Variants in ZSCAN31 observed in about 807,000 individuals in gnomAD.
ZSCAN31 encodes the protein zinc finger and SCAN domain-containing protein 31.
A neutral mutation model predicts 22.5 loss-of-function variants in ZSCAN31; 14 were observed. That is an observed-to-expected ratio of 0.62 (90% confidence interval 0.41 to 0.97). The LOEUF is 0.97. Among genes scored for constraint, ZSCAN31 ranks in the 50% least tolerant of loss-of-function variants. ZSCAN31 has a pLI of 0.00. For synonymous variants in ZSCAN31, 168 were observed against 169.8 expected (o/e 0.99, Z 0.08); for missense variants, 424 against 483.4 (o/e 0.88, Z 1.15).
At chr6:28,350,491 G>C (rs1298937730) in intron 2 of ZSCAN31, 1 of 152,222 alleles carries the variant, frequency 6.6e-6, no homozygotes. Context: ...CTTACTGGCT[G>C]TGTGACTTTT....
rs116341415 is a variant in ZSCAN31 at position 28,327,374 on chromosome 6, A to T, written c.532+9T>A. ...GAGATCTCCTGAAGGGACCTGTCAA[A>T]ATCCTTACCTTGTTCTTGAAATTGG... On this transcript the variant is annotated intron_variant, in intron 3 of 3. Transcript: ENST00000344279. 1.8e-3 allele frequency: 2,926 copies of T among 1,613,942 alleles called. 35 individuals carry two copies. The African/African-American group carries it at 0.026, about 14-fold the overall frequency.
At chr6:28,348,415 A>G (rs957619144) in intron 2 of ZSCAN31, among the ~76,000 whole-genome samples, 7 of 152,190 alleles carry the variant, frequency 4.6e-5, no homozygotes, top group African/African-American at 1.7e-4. Flanking sequence ...TTTTTGTGCA[A>G]CATATAAAGT....
At chr6:28,330,980 C>T (rs926936439) in intron 1 of ZSCAN31, among the ~76,000 whole-genome samples, 5 of 152,078 alleles carry the variant, frequency 3.3e-5, no homozygotes, top group African/African-American at 1.2e-4. Flanking sequence ...TAAGAGCACA[C>T]ACAATGGCGA....
intron 2 of ZSCAN31, among the ~76,000 whole-genome samples, chr6:28,345,153 AAAAAAAAG>A (rs1327153262): frequency 1.3e-5 from 2 of 149,858 alleles, no homozygotes; most frequent in African/African-American, 5.0e-5. Flanking sequence ...TCAAAAAAAA[AAAAAAAAG>A]AAAAAGAAAA....
At chr6:28,354,427 T>C (rs1298173542), upstream of ZSCAN31, among the ~76,000 whole-genome samples, 2 of 152,302 alleles carry the variant, frequency 1.3e-5, no homozygotes, top group East Asian at 3.9e-4. Context: ...AGACATAGGT[T>C]TTTGGGTACA....
chr6:28,334,555 G>A (rs1210013040), intron 1 of ZSCAN31, among the ~76,000 whole-genome samples: 1 of 152,162 alleles, frequency 6.6e-6, no homozygotes, highest in East Asian at 1.9e-4. Context: ...TACCAATTAC[G>A]ATGACAAGAA....
At chr6:28,354,567 G>C (rs1297336457), upstream of ZSCAN31, among the ~76,000 whole-genome samples, 1 of 152,150 alleles carries the variant, frequency 6.6e-6, no homozygotes, top group Non-Finnish European at 1.5e-5. Flanking sequence ...TGTATACATA[G>C]AGGCTTGACA....
At chr6:28,341,755 A>C (rs1298867480) in exon 3 of ZSCAN31, 3 of 152,166 alleles carry the variant, frequency 2.0e-5, no homozygotes, top group African/African-American at 7.2e-5. Context: ...CCTCATTTGG[A>C]GAGCTGATGG....
At position 28,333,420 on chromosome 6, in the gene ZSCAN31, C is replaced by G. The variant is rs1763912926; in HGVS notation, c.-96+2662G>C. ...CCAGGCCCTGTTTTGCTGGAGCAAA[C>G]ATTTTAACGGGGAAGACAAACCAAA... On this transcript the variant is annotated intron_variant, in intron 1 of 3. Transcript: ENST00000344279. The surrounding 1 kb of genome is among the most constrained non-coding windows in gnomAD (Gnocchi z 4.1). 6.6e-6 allele frequency among the ~76,000 whole-genome samples: 1 copy of G among 152,114 alleles called. No individual in the cohort carries two copies. Among genetic ancestry groups the G allele is most frequent in the Admixed American group, 6.5e-5 (1 of 15,274 alleles).
rs1764771261 is a variant in ZSCAN31 at position 28,348,944 on chromosome 6, ATG to A, written c.-371+4916_-371+4917del. ...ATGTCTTATACATAGGTGTATATAC[ATG>A]TCTCATATACATAGGTGTATATACA... On this transcript the variant is annotated intron_variant, in intron 2 of 7. Coordinates refer to the ZSCAN31 transcript ENST00000396838. 9.3e-5 allele frequency among the ~76,000 whole-genome samples: 14 copies of A among 151,166 alleles called. No individual in the cohort carries two copies. The South Asian group carries it at 2.9e-3, about 32-fold the overall frequency.
intron 2 of ZSCAN31, among the ~76,000 whole-genome samples, chr6:28,328,460 C>T (rs967325067): frequency 1.1e-4 from 16 of 152,216 alleles, no homozygotes; most frequent in African/African-American, 3.6e-4. Flanking sequence ...TGATATTTCT[C>T]CTATTTGCTT....
At chr6:28,355,347 G>C (rs562304707), upstream of ZSCAN31, 1 of 152,302 alleles carries the variant, frequency 6.6e-6, no homozygotes, top group South Asian at 2.1e-4. Context: ...AGTCATGCGC[G>C]CGACGACTGT....
intron 2 of ZSCAN31, among the ~76,000 whole-genome samples, chr6:28,344,251 A>C (rs908966951): frequency 1.6e-4 from 25 of 152,206 alleles, no homozygotes; most frequent in Non-Finnish European, 1.5e-5. Context: ...GCAGACAAGA[A>C]AAGGAGTCAC....
In ZSCAN31 at chr6:28,333,693, T is replaced by C. The variant is rs1763930461; in HGVS notation, c.-96+2389A>G. On this transcript the variant is annotated intron_variant, in intron 1 of 3. Transcript: ENST00000344279. This position sits in a 1 kb window ranked among gnomAD's most constrained non-coding sequence, Gnocchi z 4.1. ...CCAAAGGCCCTGAGGAAGTGCATGC[T>C]GCCATCAAAGACAGGAAAGGAGGCT... Among the ~76,000 whole-genome samples, 1 of 152,164 alleles carries C rather than the reference T, an allele frequency of 6.6e-6. No homozygotes were observed. The highest frequency in any genetic ancestry group is 1.5e-5 in the Non-Finnish European group (1 of 68,038).
intron 2 of ZSCAN31, among the ~76,000 whole-genome samples, chr6:28,344,482 C>G (rs1322397385): frequency 6.6e-6 from 1 of 152,176 alleles, no homozygotes; most frequent in Non-Finnish European, 1.5e-5. Context: ...TCCATCTCAA[C>G]CACACTAGCA....
chr6:28,344,986 A>G (rs1400042149), intron 2 of ZSCAN31, among the ~76,000 whole-genome samples: 1 of 151,392 alleles, frequency 6.6e-6, no homozygotes, highest in Non-Finnish European at 1.5e-5. Flanking sequence ...AAAAAAAAAA[A>G]AAAGAAAAAA....
At position 28,347,235 on chromosome 6, in the gene ZSCAN31, C is replaced by T. The variant is rs372226368; in HGVS notation, c.-370-5443G>A. On this transcript the variant is annotated intron_variant, in intron 2 of 7. Coordinates refer to the ZSCAN31 transcript ENST00000396838. This position sits in a 1 kb window ranked among gnomAD's most constrained non-coding sequence, Gnocchi z 5.2. ...AAAGCACAGCTCAGTAAAATTCTTG[C>T]TTAAAAATCCCAGAGTAACCTTATC... Among the ~76,000 whole-genome samples, 223 of 152,306 alleles carry T rather than the reference C, an allele frequency of 1.5e-3. No homozygotes were observed. The highest frequency in any genetic ancestry group is 5.1e-3 in the African/African-American group (210 of 41,564).
chr6:28,326,898 T>A, intron 3 of ZSCAN31, 44 bp from the exon 4 acceptor site: 2 of 1,451,782 alleles, frequency 1.4e-6, no homozygotes, highest in Non-Finnish European at 1.9e-6. Context: ...CTTTCCTTTA[T>A]GAAAGAATAC....
rs1764678677 is a variant in ZSCAN31, at chr6:28,347,131, C to T, written c.-370-5339G>A. Among the ~76,000 whole-genome samples, 1 of 152,222 alleles carries T rather than the reference C, an allele frequency of 6.6e-6. No individual in the cohort carries two copies. Among genetic ancestry groups the T allele is most frequent in the Non-Finnish European group, 1.5e-5 (1 of 68,048 alleles). ...TCCCTTGAGCTCCTGAGAGGATCAGCTGGAGCCTCTCTTGTAACTGCACCA... is the reference window on the plus strand; with the variant it reads ...TCCCTTGAGCTCCTGAGAGGATCAGTTGGAGCCTCTCTTGTAACTGCACCA... On this transcript the variant is annotated intron_variant, in intron 2 of 7. Coordinates refer to the ZSCAN31 transcript ENST00000396838. The surrounding 1 kb of genome is among the most constrained non-coding windows in gnomAD (Gnocchi z 5.2).
Sources: allele counts gnomAD v4.1 joint callset (sites outside exome capture counted in the v4.1 genomes callset), GRCh38; gene constraint gnomAD v4.1.1; non-coding constraint Gnocchi (gnomAD v3.1); transcripts MANE v1.5; gene names NCBI Gene and HGNC (gene_info 2026-07-23, HGNC 2026-07-21).